Variants in PPP6R2 observed in about 807,000 individuals in gnomAD.
The protein encoded by PPP6R2 is serine/threonine-protein phosphatase 6 regulatory subunit 2.
In PPP6R2, 62 loss-of-function variants were observed where a neutral mutation model predicts 100.2. The observed-to-expected ratio is 0.62, with a 90% CI of 0.50 to 0.76. The LOEUF is 0.76. Among genes scored for constraint, PPP6R2 ranks in the 30% least tolerant of loss-of-function variants. The pLI is 0.00. For synonymous variants in PPP6R2, 525 were observed against 514.7 expected (o/e 1.02, Z -0.27); for missense variants, 1,142 against 1,276.3 (o/e 0.89, Z 1.60).
chr22:50,391,914 T>C (rs900093883), intron 2 of PPP6R2: 6 of 149,790 alleles, frequency 4.0e-5, no homozygotes, highest in Admixed American at 1.3e-4. Flanking sequence ...AGAAGTCACC[T>C]GTAACTGCCC....
At chr22:50,370,242 C>T (rs557390363) in intron 1 of PPP6R2, among the ~76,000 whole-genome samples, 1 of 152,192 alleles carries the variant, frequency 6.6e-6, no homozygotes, top group African/African-American at 2.4e-5. Context: ...ATTGATCTTT[C>T]AAGATGCTTT....
intron 2 of PPP6R2, among the ~76,000 whole-genome samples, chr22:50,390,121 A>G (rs2055155456): frequency 6.7e-6 from 1 of 150,106 alleles, no homozygotes; most frequent in Non-Finnish European, 1.5e-5. Flanking sequence ...CCTCCCAAGT[A>G]GCTGGGATTA....
intron 10 of PPP6R2, among the ~76,000 whole-genome samples, chr22:50,427,239 C>T (rs1282525509): frequency 2.0e-5 from 3 of 150,922 alleles, no homozygotes; most frequent in African/African-American, 7.3e-5. Context: ...TCTTTCTGGA[C>T]TCTCTGTTCT....
At chr22:50,366,755 T>C (rs142118665) in intron 1 of PPP6R2, among the ~76,000 whole-genome samples, 10 of 152,306 alleles carry the variant, frequency 6.6e-5, no homozygotes, top group African/African-American at 2.4e-4. Flanking sequence ...GTTCTGCCTG[T>C]GAACTCGAGC....
At chr22:50,332,314 G>A in the PPP6R2 span, among the ~76,000 whole-genome samples, 7 of 149,314 alleles carry the variant, frequency 4.7e-5, no homozygotes, top group Admixed American at 2.0e-4. Flanking sequence ...TGCAAGCTCC[G>A]CCTCCCAGGT....
chr22:50,413,448 C>T (rs903005629), intron 4 of PPP6R2, among the ~76,000 whole-genome samples: 3 of 152,046 alleles, frequency 2.0e-5, no homozygotes, highest in African/African-American at 7.2e-5. Flanking sequence ...GAGTTATGAT[C>T]GCACCACTGC....
At chr22:50,384,510 G>A (rs377288576) in intron 2 of PPP6R2, among the ~76,000 whole-genome samples, 1 of 151,632 alleles carries the variant, frequency 6.6e-6, no homozygotes, top group African/African-American at 2.4e-5. Context: ...AGCCAAGATC[G>A]CGCCACTGCA....
chr22:50,417,859 G>C (rs1367340088), intron 6 of PPP6R2, among the ~76,000 whole-genome samples: 1 of 152,216 alleles, frequency 6.6e-6, no homozygotes, highest in Non-Finnish European at 1.5e-5. Flanking sequence ...AAATACTCCT[G>C]TGAGTGTTTG....
At chr22:50,426,202 C>T (rs1353274641) in intron 10 of PPP6R2, among the ~76,000 whole-genome samples, 1 of 152,192 alleles carries the variant, frequency 6.6e-6, no homozygotes, top group East Asian at 1.9e-4. Flanking sequence ...ATGCTCCGGC[C>T]GTGGCCTCCC....
chr22:50,435,940 G>T (rs1569489367), intron 13 of PPP6R2, among the ~76,000 whole-genome samples: 4 of 152,236 alleles, frequency 2.6e-5, no homozygotes. Context: ...AAACAGGCAG[G>T]ACACGCGCCC....
intron 4 of PPP6R2, among the ~76,000 whole-genome samples, chr22:50,408,228 C>G (rs1489104187): frequency 6.6e-6 from 1 of 152,138 alleles, no homozygotes; most frequent in Admixed American, 6.6e-5. Flanking sequence ...TAAATATAAT[C>G]AGAATTTCAT....
In PPP6R2 at chr22:50,418,948, G is replaced by A. The variant is rs1569461129; in HGVS notation, c.700G>A (p.Glu234Lys). 3.7e-6 allele frequency: 6 copies of A among 1,613,928 alleles called. No individual in the cohort carries two copies. Among genetic ancestry groups the A allele is most frequent in the Non-Finnish European group, 5.1e-6 (6 of 1,179,816 alleles). ...DQGSQLQEAL[E>K]PDPLLTALES... ...GGGCAGTCAGCTGCAAGAGGCTCTG[G>A]AGCCAGACCCGCTCCTCACAGCGCT... The change falls in exon 7 of 24, where the codon GAG becomes AAG. Residue 234 changes from glutamate (E) to lysine (K), a missense_variant. By Grantham distance (56) the Glu-to-Lys change is moderately conservative. Around this residue, in one of 2 missense-constraint regions of PPP6R2, gnomAD observed 592 missense variants for 758.9 expected, o/e 0.78. Transcript: ENST00000612753.
rs2066653914 is a variant in PPP6R2, at chr22:50,444,671, T to TA, written c.*424_*425insA. 4.9e-6 allele frequency: 1 copy of TA among 202,076 alleles called. No individual in the cohort carries two copies. The highest frequency in any genetic ancestry group is 8.6e-5 in the South Asian group (1 of 11,626). The allele number at this position is 202,076 out of a possible 1,614,324, so 12.5% of individuals were successfully genotyped here. A position where few individuals can be genotyped will look rare whatever the true frequency, so the allele number is the denominator to read the frequency against. ...AAAGAATACAGAAGGAGCCAAGCTT[T>TA]TTTGCACTTTGTATCCAGCTGCAAG... On this transcript the variant is annotated 3_prime_UTR_variant, in exon 24 of 24. Coordinates refer to ENST00000612753, the MANE Select transcript of PPP6R2 (RefSeq NM_001242898.2).
At chr22:50,337,665 G>GGT in the PPP6R2 span, among the ~76,000 whole-genome samples, 7 of 134,996 alleles carry the variant, frequency 5.2e-5, no homozygotes, top group Non-Finnish European at 1.1e-4. Context: ...TGGTGTGTGT[G>GGT]GTGTGTGTGT....
At chr22:50,339,809 TGTG>T (rs1172290900), upstream of PPP6R2, among the ~76,000 whole-genome samples, 1 of 81,952 alleles carries the variant, frequency 1.2e-5, no homozygotes, top group East Asian at 3.9e-4. Flanking sequence ...GGTATGTGTG[TGTG>T]GTGTGTGGGG....
At chr22:50,385,161 C>T (rs751940200) in intron 2 of PPP6R2, among the ~76,000 whole-genome samples, 1 of 152,064 alleles carries the variant, frequency 6.6e-6, no homozygotes, top group Non-Finnish European at 1.5e-5. Context: ...TCTTAAAGGC[C>T]CTACCTTTCA....
intron 8 of PPP6R2, 75 bp from the exon 9 acceptor site, chr22:50,422,179 G>A (rs1036774893): frequency 1.8e-5 from 28 of 1,550,130 alleles, no homozygotes; most frequent in Admixed American, 3.9e-5. Context: ...TGGAAGAAGC[G>A]GGTGCACTGA....
At chr22:50,390,090 C>G (rs1374537970) in intron 2 of PPP6R2, among the ~76,000 whole-genome samples, 1 of 149,856 alleles carries the variant, frequency 6.7e-6, no homozygotes, top group African/African-American at 2.5e-5. Context: ...TTCTCGGGTT[C>G]AGGCGATTCT....
intron 10 of PPP6R2, among the ~76,000 whole-genome samples, chr22:50,425,977 TAAA>T (rs1281104362): frequency 6.6e-6 from 1 of 152,024 alleles, no homozygotes; most frequent in Non-Finnish European, 1.5e-5. Context: ...TCTTTTTACA[TAAA>T]AAATTTTTTT....
Sources: gnomAD v4.1 joint callset for allele counts (sites outside exome capture counted in the v4.1 genomes callset) on GRCh38, gnomAD v4.1.1 for gene constraint, gnomAD v4.1.1 regional missense constraint, MANE v1.5 for transcripts, NCBI Gene and HGNC (gene_info 2026-07-23, HGNC 2026-07-21) for gene names.